Variants in STIM1 observed in about 807,000 individuals in gnomAD.
The protein encoded by STIM1 is stromal interaction molecule 1.
STIM1 carries 25 observed loss-of-function variants against 74.7 expected under a neutral mutation model. That is an observed-to-expected ratio of 0.33 (90% CI 0.24 to 0.47). STIM1 has a LOEUF of 0.47. Among genes scored for constraint, STIM1 ranks in the 20% least tolerant of loss-of-function variants. The pLI is 1.00. For synonymous variants in STIM1, 328 were observed against 348.8 expected (o/e 0.94, Z 0.66); for missense variants, 728 against 920.8 (o/e 0.79, Z 2.71).
chr11:3,869,557 G>C (rs573581962), intron 1 of STIM1, among the ~76,000 whole-genome samples: 154 of 152,276 alleles, frequency 1.0e-3, no homozygotes, highest in African/African-American at 3.6e-3. Context: ...TATGAGTAAA[G>C]GTCTGGAGTG....
intron 1 of STIM1, among the ~76,000 whole-genome samples, chr11:3,863,596 T>A (rs1324155647): frequency 6.6e-6 from 1 of 152,040 alleles, no homozygotes; most frequent in Non-Finnish European, 1.5e-5. Flanking sequence ...CCAGAAATAA[T>A]TCATAAGTTT....
intron 2 of STIM1, among the ~76,000 whole-genome samples, chr11:4,013,678 A>G (rs2093863478): frequency 1.0e-5 from 1 of 100,438 alleles, no homozygotes; most frequent in Non-Finnish European, 2.0e-5. Flanking sequence ...CAGCTCCTGG[A>G]TTCATTGATT....
At chr11:4,070,300 T>G in intron 6 of STIM1, 97 bp downstream of exon 6, 2 of 1,394,484 alleles carry the variant, frequency 1.4e-6, no homozygotes, top group Non-Finnish European at 2.0e-6. Flanking sequence ...TGAGACCTTG[T>G]CAGCATGGCA....
chr11:3,890,331 A>G (rs551382758), intron 1 of STIM1, among the ~76,000 whole-genome samples: 170 of 152,270 alleles, frequency 1.1e-3, no homozygotes, highest in African/African-American at 3.9e-3. Flanking sequence ...TGGTCCTTAT[A>G]TAGAGCTGGA....
At chr11:3,964,847 C>T (rs1458872201) in intron 1 of STIM1, among the ~76,000 whole-genome samples, 1 of 151,954 alleles carries the variant, frequency 6.6e-6, no homozygotes, top group African/African-American at 2.4e-5. Context: ...ACCTCAGCCT[C>T]CTGAGTAGCT....
intron 1 of STIM1, among the ~76,000 whole-genome samples, chr11:3,913,103 T>C (rs576396717): frequency 6.6e-6 from 1 of 152,274 alleles, no homozygotes; most frequent in African/African-American, 2.4e-5. Context: ...TTTAATCCAC[T>C]GTATTTGAGG....
At chr11:3,933,909 G>A (rs2092902310) in intron 1 of STIM1, among the ~76,000 whole-genome samples, 1 of 152,200 alleles carries the variant, frequency 6.6e-6, no homozygotes, top group South Asian at 2.1e-4. Context: ...GGCTTGAGTG[G>A]TGGAAAGAGC....
chr11:4,091,133 G>A (rs1156318902), intron 12 of STIM1, 149 bp from the exon 13 acceptor site: 3 of 1,068,374 alleles, frequency 2.8e-6, no homozygotes, highest in South Asian at 2.6e-5. Context: ...CCACCTGCCT[G>A]TTCATCCTAT....
At chr11:4,066,933 A>T (rs1206465284) in intron 5 of STIM1, among the ~76,000 whole-genome samples, 1 of 152,162 alleles carries the variant, frequency 6.6e-6, no homozygotes, top group Admixed American at 6.5e-5. Context: ...TTTTCTACAC[A>T]ATGATTCATA....
At chr11:3,905,369 A>T (rs569311813) in intron 1 of STIM1, among the ~76,000 whole-genome samples, 60 of 144,142 alleles carry the variant, frequency 4.2e-4, no homozygotes, top group African/African-American at 1.4e-3. Flanking sequence ...AGGTTCAAAG[A>T]TTTTTTTTTT....
At position 3,909,717 on chromosome 11, in the gene STIM1, G is replaced by C. The variant is rs539550887; in HGVS notation, c.139+53308G>C. 5.3e-5 allele frequency among the ~76,000 whole-genome samples: 8 copies of C among 151,828 alleles called. No homozygotes were observed. In the South Asian group the frequency reaches 1.7e-3, roughly 32 times the overall value. On this transcript the variant is annotated intron_variant, in intron 1 of 12. Coordinates refer to ENST00000526596, the MANE Select transcript of STIM1 (RefSeq NM_001382567.1). Reference sequence around the variant, plus strand: ...TGGGCGCCTGTGATCCCAGCTACTTGGGAGGCTGAGGCAGGAGAATGGCAT... The same window carrying C: ...TGGGCGCCTGTGATCCCAGCTACTTCGGAGGCTGAGGCAGGAGAATGGCAT...
chr11:3,884,528 C>G (rs147912802), intron 1 of STIM1, among the ~76,000 whole-genome samples: 1 of 152,230 alleles, frequency 6.6e-6, no homozygotes, highest in East Asian at 1.9e-4. Context: ...AACCCATGCC[C>G]CAAGTGGTTC....
intron 2 of STIM1, among the ~76,000 whole-genome samples, chr11:4,001,500 C>A (rs1333484877): frequency 2.6e-5 from 4 of 152,066 alleles, no homozygotes; most frequent in Non-Finnish European, 4.4e-5. Flanking sequence ...TTGACAAGTG[C>A]AGGAGAAATA....
chr11:3,857,856 A>G (rs2090445456), intron 1 of STIM1, among the ~76,000 whole-genome samples: 1 of 152,194 alleles, frequency 6.6e-6, no homozygotes, highest in Non-Finnish European at 1.5e-5. Flanking sequence ...TGGTTTCCAA[A>G]TGAGGCCAGG....
intron 1 of STIM1, among the ~76,000 whole-genome samples, chr11:3,908,387 T>A (rs1590553815): frequency 6.6e-6 from 1 of 152,048 alleles, no homozygotes; most frequent in African/African-American, 2.4e-5. Context: ...CCAAGGCAGG[T>A]GAATCACGAG....
chr11:3,917,147 T>A (rs2092656580), intron 1 of STIM1, among the ~76,000 whole-genome samples: 1 of 152,168 alleles, frequency 6.6e-6, no homozygotes, highest in African/African-American at 2.4e-5. Context: ...TTGGCTTGTC[T>A]GTATCTCAGC....
At chr11:3,923,470 A>C (rs1197971695) in intron 1 of STIM1, among the ~76,000 whole-genome samples, 1 of 151,930 alleles carries the variant, frequency 6.6e-6, no homozygotes, top group African/African-American at 2.4e-5. Context: ...TCATCTGTGC[A>C]TGGTGGTGTA....
intron 1 of STIM1, chr11:3,903,518 T>G (rs2092399417): frequency 6.6e-6 from 1 of 152,246 alleles, no homozygotes; most frequent in Non-Finnish European, 1.5e-5. Context: ...CAGCCCATTT[T>G]AGAAATCATT....
Position 3,992,081 on chromosome 11 carries a change from G to GTTTT in STIM1, c.270+24403_270+24406dup, listed in dbSNP as rs1554963559. Among the ~76,000 whole-genome samples, 56 of 91,952 alleles carry GTTTT rather than the reference G, an allele frequency of 6.1e-4. 5 individuals are homozygous for GTTTT. The highest frequency in any genetic ancestry group is 2.2e-3 in the African/African-American group (46 of 21,312). 60.3% of individuals were successfully genotyped at this position (91,952 alleles called of 152,430 possible). On this transcript the variant is annotated intron_variant, in intron 2 of 12. Transcript: ENST00000526596. Reference sequence around the variant, plus strand: ...TTTCTCTGCAGCCTTGCCAACATCTGTTTTTTTGTTTTTTTTTTTTTTTTT... The same window carrying GTTTT: ...TTTCTCTGCAGCCTTGCCAACATCTGTTTTTTTTTTTGTTTTTTTTTTTTTTTTT...
Sources: gnomAD v4.1 joint callset for allele counts (sites outside exome capture counted in the v4.1 genomes callset) on GRCh38, gnomAD v4.1.1 for gene constraint, MANE v1.5 for transcripts, NCBI Gene and HGNC (gene_info 2026-07-23, HGNC 2026-07-21) for gene names.